BCAR1: variants seen among roughly 807,000 people sequenced by gnomAD.
BCAR1 encodes the protein breast cancer anti-estrogen resistance protein 1.
Under a neutral mutation model 67.6 loss-of-function variants are expected in BCAR1, and 30 were observed. The ratio of observed to expected loss-of-function variants is 0.44; its 90% CI spans 0.33 to 0.60. BCAR1 has a LOEUF of 0.60. BCAR1 is among the 20% of genes least tolerant of loss of function. BCAR1 has a pLI of 0.02. For synonymous variants in BCAR1, 626 were observed against 556.7 expected (o/e 1.12, Z -1.75); for missense variants, 1,313 against 1,222.3 (o/e 1.07, Z -1.11).
intron 1 of BCAR1, among the ~76,000 whole-genome samples, chr16:75,258,108 G>A (rs761583373): frequency 6.9e-4 from 105 of 152,252 alleles, no homozygotes; most frequent in Admixed American, 1.1e-3. Flanking sequence ...CACACCCTGC[G>A]CCATCACACA....
chr16:75,240,253 C>A (rs2077292306), intron 2 of BCAR1, among the ~76,000 whole-genome samples: 1 of 152,224 alleles, frequency 6.6e-6, no homozygotes, highest in Non-Finnish European at 1.5e-5. Context: ...CAGCCAACCA[C>A]TACCCTGGAA....
chr16:75,251,248 G>A (rs1051589665), intron 1 of BCAR1, among the ~76,000 whole-genome samples: 1 of 151,628 alleles, frequency 6.6e-6, no homozygotes, highest in African/African-American at 2.4e-5. Flanking sequence ...CGGCCCCCGC[G>A]CCCGGCCCCG....
At chr16:75,257,429 A>G (rs952681037) in intron 1 of BCAR1, among the ~76,000 whole-genome samples, 5 of 152,124 alleles carry the variant, frequency 3.3e-5, no homozygotes, top group African/African-American at 1.2e-4. Flanking sequence ...CAGGGAAGAC[A>G]GAGCTGTGGC....
intron 2 of BCAR1, chr16:75,238,274 G>A: frequency 8.6e-7 from 1 of 1,162,076 alleles, no homozygotes; most frequent in Non-Finnish European, 1.1e-6. Context: ...TCCCTGGTGG[G>A]ATTCTCCAGC....
chr16:75,251,056 G>T, intron 1 of BCAR1: 1 of 875,556 alleles, frequency 1.1e-6, no homozygotes, highest in Non-Finnish European at 1.4e-6. Flanking sequence ...CCGGTGGGCA[G>T]TCCCCACGCC....
At chr16:75,241,046 G>A (rs1019162781) in intron 2 of BCAR1, among the ~76,000 whole-genome samples, 6 of 152,284 alleles carry the variant, frequency 3.9e-5, no homozygotes, top group Non-Finnish European at 7.3e-5. Flanking sequence ...CTTGGGGCAT[G>A]TGCAGTGTGG....
intron 1 of BCAR1, among the ~76,000 whole-genome samples, chr16:75,258,916 G>A (rs2077837021): frequency 1.3e-5 from 2 of 152,140 alleles, no homozygotes; most frequent in Admixed American, 1.3e-4. Context: ...CTTGGCAGAT[G>A]GCCAGGGAAA....
At chr16:75,239,379 G>A (rs1475875322) in intron 2 of BCAR1, among the ~76,000 whole-genome samples, 2 of 152,130 alleles carry the variant, frequency 1.3e-5, no homozygotes, top group East Asian at 1.9e-4. Flanking sequence ...CCAGGTGCAC[G>A]CACAGAACCC....
chr16:75,264,366 C>A, intron 1 of BCAR1: 1 of 1,529,816 alleles, frequency 6.5e-7, no homozygotes, highest in Non-Finnish European at 8.7e-7. Context: ...CTCCAGCAGG[C>A]TCAGGTGGTC....
chr16:75,242,014 G>A (rs1198322013), intron 2 of BCAR1, among the ~76,000 whole-genome samples: 2 of 152,164 alleles, frequency 1.3e-5, no homozygotes, highest in East Asian at 3.9e-4. Context: ...TGTTCCATAA[G>A]TGGAGAGGGG....
At chr16:75,241,741 C>A (rs1436889432) in intron 2 of BCAR1, among the ~76,000 whole-genome samples, 1 of 152,190 alleles carries the variant, frequency 6.6e-6, no homozygotes, top group East Asian at 1.9e-4. Flanking sequence ...CCAGCTGGCA[C>A]CAATGAGGTC....
At chr16:75,247,994 C>T (rs898722114) in intron 1 of BCAR1, 2 of 1,029,426 alleles carry the variant, frequency 1.9e-6, no homozygotes, top group African/African-American at 1.6e-5. Context: ...AGGCAGAGCT[C>T]TTTCCCACAC....
At chr16:75,266,690 G>A in intron 1 of BCAR1, 1 of 1,348,112 alleles carries the variant, frequency 7.4e-7, no homozygotes, top group South Asian at 1.9e-5. Flanking sequence ...ACATTTCATA[G>A]GCCCAGGCAC....
intron 2 of BCAR1, chr16:75,238,338 T>C: frequency 8.9e-7 from 1 of 1,122,662 alleles, no homozygotes; most frequent in Non-Finnish European, 1.1e-6. Flanking sequence ...TGTTCAGCTC[T>C]CTCCACTGAA....
intron 1 of BCAR1, chr16:75,263,923 C>G (rs2077954953): frequency 9.2e-7 from 1 of 1,082,890 alleles, no homozygotes; most frequent in Non-Finnish European, 1.1e-6. Flanking sequence ...ACCTCACACA[C>G]TGCCCAAGGT....
chr16:75,264,568 C>T (rs1169024298), intron 1 of BCAR1: 2 of 1,355,578 alleles, frequency 1.5e-6, no homozygotes, highest in Non-Finnish European at 1.9e-6. Flanking sequence ...GCGGGGCTCA[C>T]ATCAGCACAG....
chr16:75,243,446 A>T (rs4888363), intron 1 of BCAR1: 474,781 of 569,502 alleles, frequency 0.83, 199,365 homozygotes, highest in East Asian at 0.98. Flanking sequence ...ATCACGACAA[A>T]GCTGCCAAGT....
At chr16:75,261,881 C>G (rs1243029257) in intron 1 of BCAR1, among the ~76,000 whole-genome samples, 3 of 152,224 alleles carry the variant, frequency 2.0e-5, no homozygotes, top group African/African-American at 7.2e-5. Context: ...CTGCACTAGC[C>G]AACCATGGCC....
At chr16:75,262,406 G>A (rs760646178) in intron 1 of BCAR1, among the ~76,000 whole-genome samples, 6 of 152,216 alleles carry the variant, frequency 3.9e-5, no homozygotes, top group Non-Finnish European at 7.3e-5. Flanking sequence ...AGACGGCGCC[G>A]GGAAGGCTTC....
Sources: allele counts gnomAD v4.1 joint callset (sites outside exome capture counted in the v4.1 genomes callset), GRCh38; gene constraint gnomAD v4.1.1; transcripts MANE v1.5; gene names NCBI Gene and HGNC (gene_info 2026-07-23, HGNC 2026-07-21).